The following CDK14 variants were observed in gnomAD, a reference collection of about 807,000 sequenced individuals.
The protein encoded by CDK14 is cyclin dependent kinase 14, also known as cyclin-dependent kinase 14.
In CDK14, 34 loss-of-function variants were observed where a neutral mutation model predicts 60.7. The ratio of observed to expected loss-of-function variants is 0.56; its 90% CI spans 0.43 to 0.75. The LOEUF is 0.75. CDK14 is among the 30% of genes least tolerant of loss of function. CDK14 has a pLI of 0.00. For missense variants in CDK14, 482 were observed against 564.1 expected (o/e 0.85, Z 1.47); for synonymous variants, 197 against 203.7 (o/e 0.97, Z 0.28).
At chr7:90,984,850 C>T (rs1217007021) in intron 10 of CDK14, among the ~76,000 whole-genome samples, 1 of 152,198 alleles carries the variant, frequency 6.6e-6, no homozygotes, top group African/African-American at 2.4e-5. Flanking sequence ...AACTGACAGA[C>T]ATTCTACAAA....
intron 14 of CDK14, among the ~76,000 whole-genome samples, chr7:91,155,618 A>C (rs1355975322): frequency 6.6e-6 from 1 of 152,214 alleles, no homozygotes; most frequent in African/African-American, 2.4e-5. Flanking sequence ...ACAGTTGCCT[A>C]AGCATTTGGT....
intron 10 of CDK14, among the ~76,000 whole-genome samples, chr7:90,989,223 A>C (rs181316073): frequency 5.3e-4 from 81 of 152,248 alleles, no homozygotes; most frequent in Non-Finnish European, 4.6e-4. Context: ...CTGCAGCTTC[A>C]TGATTGGTTA....
At chr7:90,615,269 T>C (rs1027037293) in intron 2 of CDK14, among the ~76,000 whole-genome samples, 4 of 152,230 alleles carry the variant, frequency 2.6e-5, no homozygotes, top group Non-Finnish European at 5.9e-5. Flanking sequence ...AATATCTTTC[T>C]CCAATCTTGC....
intron 14 of CDK14, among the ~76,000 whole-genome samples, chr7:91,149,994 G>C (rs1390011984): frequency 1.3e-5 from 2 of 152,198 alleles, no homozygotes; most frequent in African/African-American, 4.8e-5. Context: ...ATGAAGAATT[G>C]TGTAGGGCCC....
chr7:90,685,659 T>TAA (rs1269985340), intron 2 of CDK14, among the ~76,000 whole-genome samples: 22 of 144,576 alleles, frequency 1.5e-4, no homozygotes, highest in Non-Finnish European at 2.3e-4. Context: ...ATTTTTTTTT[T>TAA]TTTTTTTTTT....
At chr7:90,720,502 T>G (rs1018238647) in intron 2 of CDK14, among the ~76,000 whole-genome samples, 10 of 152,316 alleles carry the variant, frequency 6.6e-5, no homozygotes, top group African/African-American at 2.2e-4. Context: ...AAATGTAATT[T>G]TGAAAACCAA....
At chr7:91,125,842 G>A (rs937427300) in intron 14 of CDK14, among the ~76,000 whole-genome samples, 6 of 152,002 alleles carry the variant, frequency 3.9e-5, no homozygotes, top group South Asian at 4.1e-4. Flanking sequence ...TTTGCATTAC[G>A]TATAGTGCCC....
At chr7:91,154,210 T>A (rs1180936313) in intron 14 of CDK14, among the ~76,000 whole-genome samples, 1 of 152,010 alleles carries the variant, frequency 6.6e-6, no homozygotes, top group African/African-American at 2.4e-5. Flanking sequence ...TTTACTTAAC[T>A]TTTATAATCT....
intron 2 of CDK14, among the ~76,000 whole-genome samples, chr7:90,659,117 C>G (rs1800810524): frequency 1.3e-5 from 2 of 152,170 alleles, no homozygotes; most frequent in Non-Finnish European, 2.9e-5. Flanking sequence ...GACAGTCTTT[C>G]CTCTTATGTC....
At chr7:91,055,754 T>G (rs952782823) in intron 11 of CDK14, among the ~76,000 whole-genome samples, 1 of 152,206 alleles carries the variant, frequency 6.6e-6, no homozygotes, top group East Asian at 1.9e-4. Context: ...AAAGTCATAT[T>G]GAAGAAAAGA....
intron 14 of CDK14, among the ~76,000 whole-genome samples, chr7:91,152,067 T>A (rs1800842585): frequency 6.6e-6 from 1 of 152,236 alleles, no homozygotes; most frequent in Non-Finnish European, 1.5e-5. Context: ...AGTCATACTT[T>A]CCTCATGTGG....
At chr7:90,953,541 T>G (rs901842135) in intron 8 of CDK14, among the ~76,000 whole-genome samples, 1 of 152,180 alleles carries the variant, frequency 6.6e-6, no homozygotes, top group Non-Finnish European at 1.5e-5. Context: ...AAATTACATG[T>G]GGTTATTTTG....
intron 2 of CDK14, among the ~76,000 whole-genome samples, chr7:90,704,915 G>C (rs1303983985): frequency 6.6e-6 from 1 of 151,904 alleles, no homozygotes; most frequent in East Asian, 1.9e-4. Context: ...AGTTTTTAGG[G>C]TTCACAAAAA....
At chr7:90,798,569 A>G (rs1488212748) in intron 5 of CDK14, among the ~76,000 whole-genome samples, 1 of 152,206 alleles carries the variant, frequency 6.6e-6, no homozygotes, top group East Asian at 1.9e-4. Flanking sequence ...ACAAAATATC[A>G]ACAGCGGGAA....
chr7:90,712,701 A>G (rs1220160149), intron 2 of CDK14, among the ~76,000 whole-genome samples: 1 of 152,140 alleles, frequency 6.6e-6, no homozygotes, highest in Admixed American at 6.6e-5. Context: ...ATGTATTATA[A>G]TTGAGATGCT....
chr7:90,776,685 A>G (rs529503885), intron 4 of CDK14, among the ~76,000 whole-genome samples: 6 of 152,324 alleles, frequency 3.9e-5, no homozygotes, highest in African/African-American at 9.6e-5. Flanking sequence ...TAAATTAACA[A>G]ATGTCTTAGG....
intron 2 of CDK14, among the ~76,000 whole-genome samples, chr7:90,613,431 G>A (rs550257948): frequency 5.9e-5 from 9 of 151,868 alleles, no homozygotes; most frequent in African/African-American, 2.2e-4. Flanking sequence ...CCTTTGGGCC[G>A]GGCCTGGTGG....
At position 91,118,092 on chromosome 7, in the gene CDK14, T is replaced by C; in HGVS notation, c.1322T>C (p.Val441Ala). 1 of 1,612,628 alleles carries C rather than the reference T, an allele frequency of 6.2e-7. No homozygotes were observed. Among genetic ancestry groups the C allele is most frequent in the Non-Finnish European group, 8.5e-7 (1 of 1,178,816 alleles). The change falls in exon 14 of 15, where the codon GTG (valine) becomes GCG (alanine). Residue 441 changes from valine to alanine, a missense_variant. By Grantham distance (64) the Val-to-Ala change is moderately conservative. Coordinates refer to ENST00000380050, the MANE Select transcript of CDK14 (RefSeq NM_001287135.2). ...TCTTCTATTTTTACTGTCCCAAATG[T>C]GAGATTGCAACCAGAAGCTGGAGAA... Reference protein sequence around the residue: ...DMSSIFTVPNVRLQPEAGESM... With the variant: ...DMSSIFTVPNARLQPEAGESM...
chr7:90,809,906 C>T (rs1789018648), intron 5 of CDK14, among the ~76,000 whole-genome samples: 1 of 152,096 alleles, frequency 6.6e-6, no homozygotes, highest in Non-Finnish European at 1.5e-5. Flanking sequence ...TACACCCTCC[C>T]AAGACTAAAC....
Sources: gnomAD v4.1 joint callset for allele counts (sites outside exome capture counted in the v4.1 genomes callset) on GRCh38, gnomAD v4.1.1 for gene constraint, MANE v1.5 for transcripts, NCBI Gene and HGNC (gene_info 2026-07-23, HGNC 2026-07-21) for gene names.